Variants in SGSM1 observed in about 807,000 individuals in gnomAD.
SGSM1 encodes the protein small G protein signaling modulator 1, also known as RUN and TBC1 domain containing 2.
A neutral mutation model predicts 133.8 loss-of-function variants in SGSM1; 73 were observed. The observed-to-expected ratio is 0.55, with a 90% CI of 0.45 to 0.66. The LOEUF is 0.66. Among genes scored for constraint, SGSM1 ranks in the 30% least tolerant of loss-of-function variants. The pLI, the probability that SGSM1 is intolerant of heterozygous loss-of-function variation, is 0.00. For synonymous variants in SGSM1, 563 were observed against 573.0 expected, an observed-to-expected ratio of 0.98 and a Z score of 0.25; for missense variants, 1,213 against 1,448.1, an observed-to-expected ratio of 0.84 and a Z score of 2.64.
intron 24 of SGSM1, among the ~76,000 whole-genome samples, chr22:24,920,840 C>T (rs975338024): frequency 6.6e-6 from 1 of 152,088 alleles, no homozygotes; most frequent in African/African-American, 2.4e-5. Flanking sequence ...TGCACGATAC[C>T]TTGGCCTCGC....
intron 2 of SGSM1, among the ~76,000 whole-genome samples, chr22:24,825,020 G>C (rs760764005): frequency 6.6e-5 from 10 of 152,182 alleles, no homozygotes; most frequent in Non-Finnish European, 1.3e-4. Flanking sequence ...ATATGTGCAG[G>C]GAAGGAGGTG....
At chr22:24,842,586 G>T (rs1359904403) in intron 2 of SGSM1, among the ~76,000 whole-genome samples, 3 of 152,110 alleles carry the variant, frequency 2.0e-5, no homozygotes, top group Non-Finnish European at 4.4e-5. Context: ...AGGAAACACA[G>T]AATGGTTGCC....
Position 24,867,121 on chromosome 22 carries a change from C to A in SGSM1, c.955C>A (p.Arg319Ser). 1 of 1,613,836 alleles carries A rather than the reference C, an allele frequency of 6.2e-7. No individual in the cohort carries two copies. Among genetic ancestry groups the A allele is most frequent in the South Asian group, 1.1e-5 (1 of 91,060 alleles). The change falls in exon 10 of 25, where the codon CGC becomes AGC. Residue 319 changes from arginine to serine, a missense_variant. By Grantham distance (110) the Arg-to-Ser change is moderately radical. Coordinates refer to ENST00000400358, the MANE Select transcript of SGSM1 (RefSeq NM_001098497.3). ...CTACTGGGACTATGCCATGACCATCCGCTTGGAGGAGATTGTCTACCTGCA... is the reference window on the plus strand; with the variant it reads ...CTACTGGGACTATGCCATGACCATCAGCTTGGAGGAGATTGTCTACCTGCA... ...SVYWDYAMTI[R>S]LEEIVYLHCH...
At chr22:24,877,805 T>TC (rs1338722487) in intron 13 of SGSM1, among the ~76,000 whole-genome samples, 4 of 118,100 alleles carry the variant, frequency 3.4e-5, no homozygotes, top group South Asian at 2.9e-4. Flanking sequence ...TTTCTTTCTT[T>TC]TTTTTTTTTT....
chr22:24,855,135 T>C, intron 6 of SGSM1, 72 bp downstream of exon 6: 1 of 1,563,198 alleles, frequency 6.4e-7, no homozygotes, highest in Non-Finnish European at 8.7e-7. Context: ...TCTCCAGGAC[T>C]CTCTCACCCC....
At position 24,847,731 on chromosome 22, in the gene SGSM1, G is replaced by T. The variant is rs567152408; in HGVS notation, c.237G>T (p.Lys79Asn). ...KIAALFMKVG[K>N]NFPPAEDLSR... ...CAGCCCTCTTTATGAAAGTGGGCAA[G>T]AACTTCCCGCCGGCTGAGGATCTGA... Residue 79 changes from lysine to asparagine, a missense_variant, in exon 4 of 25, where the codon AAG (lysine) becomes AAT (asparagine). Lys to Asn is a moderately conservative substitution (Grantham distance 94). Transcript: ENST00000400358. 6 of 1,613,846 alleles carry T rather than the reference G, an allele frequency of 3.7e-6. No homozygotes were observed. Among genetic ancestry groups the T allele is most frequent in the Non-Finnish European group, 5.1e-6 (6 of 1,179,894 alleles).
chr22:24,915,862 A>C (rs1478285038), intron 22 of SGSM1, among the ~76,000 whole-genome samples: 1 of 152,018 alleles, frequency 6.6e-6, no homozygotes, highest in African/African-American at 2.4e-5. Context: ...AGTATCTTCT[A>C]GTTTTTGGTT....
In SGSM1 at chr22:24,839,932, CT is replaced by C. The variant is rs758631851; in HGVS notation, c.64-4945del. On this transcript the variant is annotated intron_variant, in intron 2 of 24. Coordinates refer to ENST00000400358, the MANE Select transcript of SGSM1 (RefSeq NM_001098497.3). ...TCGATCTTTTGGACAAACCATCTCT[CT>C]TTTTTTTTTTTTTTTTTTTGAGATG... is the stretch of plus-strand genomic sequence containing the variant. Among the ~76,000 whole-genome samples, 764 of 106,356 alleles carry C rather than the reference CT, an allele frequency of 7.2e-3. 5 individuals are homozygous for C. Among genetic ancestry groups the C allele is most frequent in the African/African-American group, 0.012 (311 of 26,526 alleles). The allele number at this position is 106,356 out of a possible 152,430, so 69.8% of individuals were successfully genotyped here.
At chr22:24,880,989 G>C (rs866435093) in intron 14 of SGSM1, among the ~76,000 whole-genome samples, 1 of 151,950 alleles carries the variant, frequency 6.6e-6, no homozygotes, top group East Asian at 2.0e-4. Flanking sequence ...TCAGGAGTTC[G>C]AGACCAGCCT....
At chr22:24,922,479 C>T (rs1160690591) in intron 24 of SGSM1, among the ~76,000 whole-genome samples, 11 of 128,602 alleles carry the variant, frequency 8.6e-5, no homozygotes, top group African/African-American at 1.5e-4. Context: ...TGTGCCCGGC[C>T]TTTTTTTTTT....
chr22:24,913,247 C>G (rs189498060), intron 22 of SGSM1, among the ~76,000 whole-genome samples: 21 of 145,832 alleles, frequency 1.4e-4, no homozygotes, highest in African/African-American at 5.4e-4. Flanking sequence ...GAGCCGAGAT[C>G]GAGCCACTGC....
intron 2 of SGSM1, among the ~76,000 whole-genome samples, chr22:24,808,741 T>C (rs986948108): frequency 2.0e-5 from 3 of 152,206 alleles, no homozygotes; most frequent in African/African-American, 7.2e-5. Context: ...AGTTTCTCCA[T>C]CTGCAGAAGG....
At chr22:24,842,911 A>G (rs1569143392) in intron 2 of SGSM1, among the ~76,000 whole-genome samples, 4 of 152,140 alleles carry the variant, frequency 2.6e-5, no homozygotes, top group Admixed American at 6.5e-5. Flanking sequence ...AGCTGGTGCT[A>G]TTTCTATAAA....
chr22:24,920,019 A>G (rs1329204914), intron 24 of SGSM1, 26 bp downstream of exon 24: 1 of 1,568,028 alleles, frequency 6.4e-7, no homozygotes, highest in South Asian at 1.2e-5. Context: ...GGGCCTCATG[A>G]GAGGGGTGCA....
intron 2 of SGSM1, among the ~76,000 whole-genome samples, chr22:24,817,635 G>A (rs1430428973): frequency 1.3e-5 from 2 of 152,178 alleles, no homozygotes; most frequent in Non-Finnish European, 2.9e-5. Flanking sequence ...ACAGGCGTGA[G>A]CCACCGCTCC....
chr22:24,916,042 G>GT (rs11337461), intron 22 of SGSM1, among the ~76,000 whole-genome samples: 11 of 151,664 alleles, frequency 7.3e-5, no homozygotes, highest in South Asian at 2.1e-4. Flanking sequence ...TCCACCATCT[G>GT]TTTTTTTTTA....
At chr22:24,865,628 C>A (rs758928907) in intron 9 of SGSM1, among the ~76,000 whole-genome samples, 1 of 152,022 alleles carries the variant, frequency 6.6e-6, no homozygotes, top group East Asian at 1.9e-4. Flanking sequence ...GACCTTGAAG[C>A]CTATGTTAGT....
intron 9 of SGSM1, among the ~76,000 whole-genome samples, chr22:24,860,909 AAAAAAAAAAAAAAATATAT>A (rs1455345932): frequency 3.7e-5 from 4 of 107,342 alleles, no homozygotes; most frequent in Non-Finnish European, 7.0e-5. Context: ...AAAAAAAAAA[AAAAAAAAAAAAAAATATAT>A]ATATATATAT....
chr22:24,860,916 AAAAAAAATATATATAT>A (rs1454787622), intron 9 of SGSM1, among the ~76,000 whole-genome samples: 9 of 90,340 alleles, frequency 1.0e-4, no homozygotes, highest in African/African-American at 5.5e-4. Context: ...AAAAAAAAAA[AAAAAAAATATATATAT>A]ATATATATAT....
Sources: allele counts gnomAD v4.1 joint callset (sites outside exome capture counted in the v4.1 genomes callset), GRCh38; gene constraint gnomAD v4.1.1; transcripts MANE v1.5; gene names NCBI Gene and HGNC (gene_info 2026-07-23, HGNC 2026-07-21).